The following POLR2E variants were observed in gnomAD, a reference collection of about 807,000 sequenced individuals.
The protein encoded by POLR2E is RNA polymerase II, I and III subunit E, also known as DNA-directed RNA polymerases I, II, and III subunit RPABC1.
A neutral mutation model predicts 29.8 loss-of-function variants in POLR2E; 35 were observed. The observed-to-expected ratio is 1.17, with a 90% CI of 0.90 to 1.55. The LOEUF is 1.55. POLR2E is among the 40% of genes most tolerant of loss of function. The pLI is 0.00. For missense variants in POLR2E, 287 were observed against 288.6 expected (o/e 0.99, Z 0.04); for synonymous variants, 174 against 112.6 (o/e 1.55, Z -3.45).
chr19:1,089,312 G>T (rs926395293), intron 7 of POLR2E, among the ~76,000 whole-genome samples, 160 bp downstream of exon 7: 9 of 151,500 alleles, frequency 5.9e-5, no homozygotes, highest in Non-Finnish European at 4.4e-5. Flanking sequence ...GGTGGGGTCT[G>T]GGGGTCTGGG....
intron 4 of POLR2E, among the ~76,000 whole-genome samples, chr19:1,090,460 ATTTTTT>A (rs58876047): frequency 2.2e-3 from 197 of 90,444 alleles, no homozygotes; most frequent in Middle Eastern, 0.02. Flanking sequence ...CGGGATCTGC[ATTTTTT>A]TTTTTTTTTT....
chr19:1,086,662 TTC>T lies in POLR2E; in HGVS notation c.*2071_*2072del, dbSNP rs1486447457. 1 of 150,926 alleles carries T rather than the reference TTC, an allele frequency of 6.6e-6. No homozygotes were observed. The highest frequency in any genetic ancestry group is 1.9e-4 in the East Asian group (1 of 5,280). 9.3% of individuals were successfully genotyped at this position (150,926 alleles called of 1,614,324 possible). ...GTGGCAGCTGCAAGCTTAGAAGATT[TTC>T]TGTGGCAGCTGCAAGCTTAGAAGAA... On this transcript the variant is annotated 3_prime_UTR_variant, in exon 8 of 8. Transcript: ENST00000615234.
rs367635330 is a variant in POLR2E, at chr19:1,095,280, T to C, written c.36A>G (p.Lys12=). 1.9e-5 allele frequency: 30 copies of C among 1,613,080 alleles called. No individual in the cohort carries two copies. The highest frequency in any genetic ancestry group is 2.3e-5 in the Non-Finnish European group (27 of 1,179,778). ...DDEEETYRLW[K]IRKTIMQLCH... ...TCACCTGCATGATGGTCTTGCGGAT[T>C]TTCCAGAGCCGGTACGTCTCCTCCT... Residue 12 remains lysine (K), a synonymous_variant, in exon 1 of 8, where the codon AAA becomes AAG. Coordinates refer to ENST00000615234, the MANE Select transcript of POLR2E (RefSeq NM_002695.5).
intron 6 of POLR2E, 116 bp from the exon 7 acceptor site, chr19:1,089,667 C>T (rs958008404): frequency 3.2e-6 from 3 of 934,964 alleles, no homozygotes; most frequent in East Asian, 5.1e-5. Flanking sequence ...AGATGGCTGA[C>T]CCTGGGCTGT....
Position 1,089,490 on chromosome 19 carries a change from T to TG in POLR2E, c.628dup (p.Gln210ProfsTer6). 6.2e-7 allele frequency: 1 copy of TG among 1,612,706 alleles called. No individual in the cohort carries two copies. Among genetic ancestry groups the TG allele is most frequent in the Non-Finnish European group, 8.5e-7 (1 of 1,179,106 alleles). On this transcript the variant is annotated frameshift_variant, in exon 7 of 8. Coordinates refer to ENST00000615234, the MANE Select transcript of POLR2E (RefSeq NM_002695.5). LOFTEE classifies it high-confidence loss of function. ...GTCTCACCTGTCAGGCGGTAGCTAC[T>TG]GCACCAGCCGGTAGGTGATGTACCT...
chr19:1,089,815 A>T, intron 6 of POLR2E, 69 bp downstream of exon 6: 2 of 1,276,974 alleles, frequency 1.6e-6, no homozygotes, highest in Non-Finnish European at 2.2e-6. Flanking sequence ...TCGGGGAGGG[A>T]CAGAAGCCCC....
chr19:1,089,676 G>A (rs2043787046), intron 6 of POLR2E, 125 bp from the exon 7 acceptor site: 1 of 871,332 alleles, frequency 1.1e-6, no homozygotes, highest in Non-Finnish European at 1.9e-6. Flanking sequence ...ACCCTGGGCT[G>A]TGGGACCCGC....
intron 3 of POLR2E, 131 bp downstream of exon 3, chr19:1,091,661 C>T (rs759172052): frequency 3.6e-4 from 234 of 657,092 alleles, no homozygotes; most frequent in Non-Finnish European, 4.2e-4. Context: ...CCGGACATCC[C>T]GGCCACATCC....
At chr19:1,095,116 G>T in intron 1 of POLR2E, 143 bp downstream of exon 1, 2 of 806,224 alleles carry the variant, frequency 2.5e-6, no homozygotes, top group Non-Finnish European at 3.9e-6. Flanking sequence ...GGTATCCCCG[G>T]CGACCTCTGG....
chr19:1,090,049 A>C (rs769448844), intron 5 of POLR2E, 38 bp downstream of exon 5: 5 of 1,538,018 alleles, frequency 3.3e-6, no homozygotes, highest in Non-Finnish European at 3.6e-6. Flanking sequence ...GTCTCGAGGG[A>C]CAGGGAGGGG....
In POLR2E at chr19:1,092,882, CAAAAAAAA is replaced by C. The variant is rs35413641; in HGVS notation, c.233-983_233-976del. 5.2e-3 allele frequency among the ~76,000 whole-genome samples: 356 copies of C among 67,936 alleles called. 1 individual carries two copies. Among genetic ancestry groups the C allele is most frequent in the African/African-American group, 0.021 (336 of 16,230 alleles). The allele number at this position is 67,936 out of a possible 152,430, so 44.6% of individuals were successfully genotyped here. On this transcript the variant is annotated intron_variant, in intron 2 of 7. Transcript: ENST00000615234. ...TGGGTGACAGAGGGAGACTCAGTCTCAAAAAAAAAAAAAAAAAAAAAGACTGGGCGCGG... is the reference window on the plus strand; with the variant it reads ...TGGGTGACAGAGGGAGACTCAGTCTCAAAAAAAAAAAAAGACTGGGCGCGG...
intron 2 of POLR2E, among the ~76,000 whole-genome samples, chr19:1,093,010 AC>A (rs1324015125): frequency 6.6e-6 from 1 of 151,910 alleles, no homozygotes; most frequent in Non-Finnish European, 1.5e-5. Context: ...ACATGGTGAA[AC>A]CTCATCTCTA....
At chr19:1,090,033 G>A (rs1405438847) in intron 5 of POLR2E, 54 bp downstream of exon 5, 14 of 1,526,658 alleles carry the variant, frequency 9.2e-6, no homozygotes, top group Middle Eastern at 1.7e-4. Flanking sequence ...GGGGGGGAAC[G>A]CGGAAGTCTC....
At chr19:1,094,517 G>A (rs1007255503) in intron 1 of POLR2E, 3 of 165,362 alleles carry the variant, frequency 1.8e-5, no homozygotes, top group Non-Finnish European at 3.8e-5. Flanking sequence ...ACTGCAGCCT[G>A]GGCGACAGAA....
At chr19:1,091,045 AT>A (rs2043818063) in intron 3 of POLR2E, 57 bp from the exon 4 acceptor site, 1 of 1,478,194 alleles carries the variant, frequency 6.8e-7, no homozygotes, top group East Asian at 2.3e-5. Context: ...CCCCAACCCC[AT>A]TTCCTGCCTC....
intron 4 of POLR2E, 141 bp downstream of exon 4, chr19:1,090,767 G>A: frequency 1.4e-6 from 1 of 714,164 alleles, no homozygotes; most frequent in Middle Eastern, 2.5e-4. Context: ...GCAGGCCCAG[G>A]GCCACCCTTT....
intron 4 of POLR2E, among the ~76,000 whole-genome samples, chr19:1,090,516 A>AG (rs1295695666): frequency 1.6e-5 from 2 of 125,702 alleles, no homozygotes; most frequent in African/African-American, 6.2e-5. Context: ...CCCAGGCTGG[A>AG]GTGCAGTGGC....
intron 1 of POLR2E, chr19:1,094,931 A>T (rs1324641195): frequency 2.4e-6 from 1 of 419,266 alleles, no homozygotes; most frequent in Non-Finnish European, 4.3e-6. Flanking sequence ...ACGCTGAATC[A>T]CAGAGAAGGG....
At position 1,087,785 on chromosome 19, in the gene POLR2E, G is replaced by A. The variant is rs556385280; in HGVS notation, c.*950C>T. On this transcript the variant is annotated 3_prime_UTR_variant, in exon 8 of 8. Transcript: ENST00000615234. ...AACAGTGGGCGCGTTACAGACCACC[G>A]ACCGCCCGAGGGTGAATTACATCTT... is the stretch of plus-strand genomic sequence containing the variant. 13 of 152,448 alleles carry A rather than the reference G, an allele frequency of 8.5e-5. No homozygotes were observed. The highest frequency in any genetic ancestry group is 2.1e-4 in the South Asian group (1 of 4,824). 9.4% of individuals were successfully genotyped at this position (152,448 alleles called of 1,614,324 possible). A position where few individuals can be genotyped will look rare whatever the true frequency, so the allele number is the denominator to read the frequency against.
Sources: gnomAD v4.1 joint callset for allele counts (sites outside exome capture counted in the v4.1 genomes callset) on GRCh38, gnomAD v4.1.1 for gene constraint, MANE v1.5 for transcripts, NCBI Gene and HGNC (gene_info 2026-07-23, HGNC 2026-07-21) for gene names.